KHK: variants seen among roughly 807,000 people sequenced by gnomAD.
KHK encodes fructokinase.
In KHK, 37 loss-of-function variants were observed where a neutral mutation model predicts 36.0. That is an observed-to-expected ratio of 1.03 (90% CI 0.79 to 1.35). The LOEUF (loss-of-function observed/expected upper bound fraction) is 1.35, where lower values mean the gene tolerates loss of function less well. KHK is among the 40% of genes most tolerant of loss of function. KHK has a pLI of 0.00. For missense variants in KHK, 395 were observed against 391.9 expected (o/e 1.01, Z -0.07); for synonymous variants, 161 against 162.8 (o/e 0.99, Z 0.08).
rs1431623294 is a variant in KHK, at chr2:27,100,499, A to G, written c.*749A>G. 2 of 1,291,044 alleles carry G rather than the reference A, an allele frequency of 1.5e-6. No individual in the cohort carries two copies. The highest frequency in any genetic ancestry group is 2.3e-5 in the Admixed American group (1 of 43,558). 80.0% of individuals were successfully genotyped at this position (1,291,044 alleles called of 1,614,324 possible). A position where few individuals can be genotyped will look rare whatever the true frequency, so the allele number is the denominator to read the frequency against. On this transcript the variant is annotated 3_prime_UTR_variant, in exon 8 of 8. Coordinates refer to ENST00000260598, the MANE Select transcript of KHK (RefSeq NM_006488.3). Reference sequence around the variant, plus strand: ...TCCTCAGGGAGGTCCGATCTGGAACACATATTGGAATTGGGGCCAACTCCA... The same window carrying G: ...TCCTCAGGGAGGTCCGATCTGGAACGCATATTGGAATTGGGGCCAACTCCA...
chr2:27,089,215 C>G (rs1239658333), intron 1 of KHK, among the ~76,000 whole-genome samples: 1 of 152,188 alleles, frequency 6.6e-6, no homozygotes, highest in African/African-American at 2.4e-5. Flanking sequence ...ATACCCTGTC[C>G]CTTTGCTGTT....
chr2:27,099,933 G>A lies in KHK; in HGVS notation c.*183G>A. The A allele has an allele frequency of 7.4e-7, 1 of 1,349,340 alleles. No homozygotes were observed. 83.6% of individuals were successfully genotyped at this position (1,349,340 alleles called of 1,614,324 possible). ...GGCTCTGGGGGGATGGCTGGGGGATGCAGAGCCTCAGAGCAAATAAATCTT... is the reference window on the plus strand; with the variant it reads ...GGCTCTGGGGGGATGGCTGGGGGATACAGAGCCTCAGAGCAAATAAATCTT... On this transcript the variant is annotated 3_prime_UTR_variant, in exon 8 of 8. Transcript: ENST00000260598.
rs762530854 is a variant in KHK, at chr2:27,094,851, C to T, written c.261C>T (p.Ala87=). 4.3e-6 allele frequency: 7 copies of T among 1,613,938 alleles called. No individual in the cohort carries two copies. Among genetic ancestry groups the T allele is most frequent in the South Asian group, 1.1e-5 (1 of 91,096 alleles). The stretch of plus-strand genomic sequence containing the variant: ...GGGGCGTGGACGTGTCTCAGGTGGC[C>T]TGGCAGAGCAAGGGGGACACCCCCA... ...RRRGVDVSQV[A]WQSKGDTPSS... The change falls in exon 3 of 8, where the codon GCC becomes GCT. Residue 87 remains alanine, a synonymous_variant. Coordinates refer to ENST00000260598, the MANE Select transcript of KHK (RefSeq NM_006488.3).
intron 5 of KHK, 108 bp downstream of exon 5, chr2:27,097,757 T>C: frequency 1.3e-6 from 2 of 1,506,750 alleles, no homozygotes; most frequent in South Asian, 2.3e-5. Context: ...TGGTTCCTGG[T>C]TTGGTGGTGT....
rs1670701813 is a variant in KHK, at chr2:27,099,907, A to G, written c.*157A>G. 4 of 1,499,876 alleles carry G rather than the reference A, an allele frequency of 2.7e-6. No individual in the cohort carries two copies. Among genetic ancestry groups the G allele is most frequent in the African/African-American group, 1.4e-5 (1 of 71,874 alleles). The allele number at this position is 1,499,876 out of a possible 1,614,324, so 92.9% of individuals were successfully genotyped here. A position where few individuals can be genotyped will look rare whatever the true frequency, so the allele number is the denominator to read the frequency against. On this transcript the variant is annotated 3_prime_UTR_variant, in exon 8 of 8. Transcript: ENST00000260598. Reference sequence around the variant, plus strand: ...TGTGTCCTGTGTTCCCCACAGGGAGAGGCTCTGGGGGGATGGCTGGGGGAT... The same window carrying G: ...TGTGTCCTGTGTTCCCCACAGGGAGGGGCTCTGGGGGGATGGCTGGGGGAT...
intron 2 of KHK, chr2:27,094,226 A>G (rs1318961102): frequency 7.2e-6 from 4 of 555,908 alleles, no homozygotes; most frequent in Non-Finnish European, 1.3e-5. Context: ...CAGAGTCAGG[A>G]TCGGAGCATG....
rs1310734665 is a variant in KHK at position 27,098,759 on chromosome 2, G to A, written c.565-437G>A. On this transcript the variant is annotated intron_variant, in intron 5 of 7. Coordinates refer to ENST00000260598, the MANE Select transcript of KHK (RefSeq NM_006488.3). ...AAAACCAGCAAAACTGCTCCAGGGA[G>A]CCAGCATGGCGGTGGTAGATTCCAC... is the stretch of plus-strand genomic sequence containing the variant. 1.3e-4 allele frequency: 26 copies of A among 192,624 alleles called. No homozygotes were observed. The Admixed American group carries it at 1.4e-3, about 10-fold the overall frequency. 11.9% of individuals were successfully genotyped at this position (192,624 alleles called of 1,614,324 possible).
chr2:27,093,878 G>T (rs1021177150), intron 2 of KHK, among the ~76,000 whole-genome samples: 14 of 152,292 alleles, frequency 9.2e-5, no homozygotes, highest in African/African-American at 3.4e-4. Context: ...GATTGCCCAG[G>T]AGGGTTCACC....
Position 27,087,189 on chromosome 2 carries a change from T to C in KHK, c.-71T>C. On this transcript the variant is annotated 5_prime_UTR_variant, in exon 1 of 8. Transcript: ENST00000260598. ...GCAGCTGGGAGCGGGGACACCATCC[T>C]CCTGGATAAGAGGCAGAGGCCGGGA... 7.5e-7 allele frequency: 1 copy of C among 1,334,102 alleles called. No individual in the cohort carries two copies. Among genetic ancestry groups the C allele is most frequent in the East Asian group, 2.5e-5 (1 of 39,698 alleles). 82.6% of individuals were successfully genotyped at this position (1,334,102 alleles called of 1,614,324 possible). A position where few individuals can be genotyped will look rare whatever the true frequency, so the allele number is the denominator to read the frequency against.
rs145787446 is a variant in KHK, at chr2:27,100,069, C to T, written c.*319C>T. ...TGTCCATTCCCCAAATTAACCTCTC[C>T]GCCCAGGCCCAGAGGAGGGGCTGCC... On this transcript the variant is annotated 3_prime_UTR_variant, in exon 8 of 8. Transcript: ENST00000260598. The T allele has an allele frequency of 3.8e-4, 236 of 613,948 alleles. No individual in the cohort carries two copies. The East Asian group carries it at 5.4e-3, about 14-fold the overall frequency. The allele number at this position is 613,948 out of a possible 1,614,324, so 38.0% of individuals were successfully genotyped here.
rs543665606 is a variant in KHK at position 27,100,560 on chromosome 2, A to C, written c.*810A>C. On this transcript the variant is annotated 3_prime_UTR_variant, in exon 8 of 8. Coordinates refer to ENST00000260598, the MANE Select transcript of KHK (RefSeq NM_006488.3). ...GGTAAGGCCTTATAATGTAAAGAGC[A>C]TATAATGTAAAGGGCTTTAGAGTGA... The C allele has an allele frequency of 2.6e-4, 335 of 1,289,110 alleles. 3 individuals carry two copies. The South Asian group carries it at 3.9e-3, about 15-fold the overall frequency. The allele number at this position is 1,289,110 out of a possible 1,614,324, so 79.9% of individuals were successfully genotyped here.
At position 27,100,431 on chromosome 2, in the gene KHK, G is replaced by A. The variant is rs1361078727; in HGVS notation, c.*681G>A. The A allele has an allele frequency of 1.2e-5, 16 of 1,290,798 alleles. No homozygotes were observed. Among genetic ancestry groups the A allele is most frequent in the Admixed American group, 4.6e-5 (2 of 43,534 alleles). 80.0% of individuals were successfully genotyped at this position (1,290,798 alleles called of 1,614,324 possible). Reference sequence around the variant, plus strand: ...TGGAGCCCACCTTGGAATTAAGGGCGTGCCTCAGCCACAAATGTGACCCAG... The same window carrying A: ...TGGAGCCCACCTTGGAATTAAGGGCATGCCTCAGCCACAAATGTGACCCAG... On this transcript the variant is annotated 3_prime_UTR_variant, in exon 8 of 8. Transcript: ENST00000260598.
chr2:27,099,578 G>A lies in KHK; in HGVS notation c.811+1G>A. On this transcript the variant is annotated splice_donor_variant, in intron 7 of 7. Transcript: ENST00000260598. LOFTEE classifies it high-confidence loss of function. ...TCCGTCATCTTCAGCCTCTCCCAGG[G>A]TGAGTATGGCAGCAGGAGGGGAAAA... is the stretch of plus-strand genomic sequence containing the variant. The A allele has an allele frequency of 1.2e-6, 2 of 1,614,170 alleles. No individual in the cohort carries two copies. The highest frequency in any genetic ancestry group is 1.7e-6 in the Non-Finnish European group (2 of 1,180,030).
rs1670234461 is a variant in KHK, at chr2:27,094,781, G to A, written c.210-19G>A. On this transcript the variant is annotated intron_variant, in intron 2 of 7. Coordinates refer to ENST00000260598, the MANE Select transcript of KHK (RefSeq NM_006488.3). ...TCTGTGTCTCCTTGCCCTTTTCCTG[G>A]CCCGGCCTCCACCCTAAGCTTCCTG... 1.9e-6 allele frequency: 3 copies of A among 1,613,798 alleles called. No homozygotes were observed. The highest frequency in any genetic ancestry group is 2.7e-5 in the African/African-American group (2 of 74,918).
At position 27,095,099 on chromosome 2, in the gene KHK, T is replaced by A. The variant is rs534517038; in HGVS notation, c.344+165T>A. Among the ~76,000 whole-genome samples the A allele has an allele frequency of 5.9e-5, 9 of 152,318 alleles. No homozygotes were observed. In the South Asian group the frequency reaches 1.2e-3, roughly 21 times the overall value. On this transcript the variant is annotated intron_variant, in intron 3 of 7. Transcript: ENST00000260598. ...CAGTGATTTCCTAATTGCTTTCAAT[T>A]AGGGGAAAAGTGAGGTGGGAAGGGA...
In KHK at chr2:27,094,952, C is replaced by T. The variant is rs368042654; in HGVS notation, c.344+18C>T. ...CATGACACGTAAGGCCCCCGGGCCT[C>T]GCCCTGCTACAACCCACCAATCAGT... is the stretch of plus-strand genomic sequence containing the variant. On this transcript the variant is annotated intron_variant, in intron 3 of 7. Transcript: ENST00000260598. 3.8e-5 allele frequency: 62 copies of T among 1,613,300 alleles called. No individual in the cohort carries two copies. Among genetic ancestry groups the T allele is most frequent in the Non-Finnish European group, 5.0e-5 (59 of 1,179,940 alleles).
Position 27,086,790 on chromosome 2 carries a change from G to GCGGTAC in KHK, c.-470_-469insCGGTAC, listed in dbSNP as rs1669682994. The stretch of plus-strand genomic sequence containing the variant: ...GGGCTTCAGGCAGGGCTGCAGATGC[G>GCGGTAC]AGGCCCAGCTGTACCTCGCGTGTCC... On this transcript the variant is annotated 5_prime_UTR_variant, in exon 1 of 8. Transcript: ENST00000260598. 6.5e-6 allele frequency: 1 copy of GCGGTAC among 152,874 alleles called. No homozygotes were observed. Among genetic ancestry groups the GCGGTAC allele is most frequent in the African/African-American group, 2.4e-5 (1 of 41,470 alleles). 9.5% of individuals were successfully genotyped at this position (152,874 alleles called of 1,614,324 possible).
In KHK at chr2:27,100,131, C is replaced by T. The variant is rs1367667889; in HGVS notation, c.*381C>T. On this transcript the variant is annotated 3_prime_UTR_variant, in exon 8 of 8. Coordinates refer to ENST00000260598, the MANE Select transcript of KHK (RefSeq NM_006488.3). ...AGCGAGAAGTGCCCTGGGCTTGCCA[C>T]CAGCTCTGCCCTGGCTGGGGAGGAC... 2 of 537,022 alleles carry T rather than the reference C, an allele frequency of 3.7e-6. No homozygotes were observed. Among genetic ancestry groups the T allele is most frequent in the Admixed American group, 3.2e-5 (1 of 31,568 alleles). 33.3% of individuals were successfully genotyped at this position (537,022 alleles called of 1,614,324 possible). A position where few individuals can be genotyped will look rare whatever the true frequency, so the allele number is the denominator to read the frequency against.
intron 1 of KHK, chr2:27,087,817 A>G (rs1669751801): frequency 6.5e-6 from 1 of 154,220 alleles, no homozygotes; most frequent in Non-Finnish European, 1.4e-5. Flanking sequence ...GGTAGCTTAC[A>G]GTAAAAAGTA....
Sources: gnomAD v4.1 joint callset for allele counts (sites outside exome capture counted in the v4.1 genomes callset) on GRCh38, gnomAD v4.1.1 for gene constraint, MANE v1.5 for transcripts, NCBI Gene and HGNC (gene_info 2026-07-23, HGNC 2026-07-21) for gene names.